The following RBFOX1 variants were observed in gnomAD, a reference collection of about 807,000 sequenced individuals.
The protein encoded by RBFOX1 is RNA binding fox-1 homolog 1, also known as RNA binding protein fox-1 homolog 1.
In RBFOX1, 8 loss-of-function variants were observed where a neutral mutation model predicts 57.7. The observed-to-expected ratio is 0.14, with a 90% CI of 0.08 to 0.25. The LOEUF (loss-of-function observed/expected upper bound fraction) is 0.25, where lower values mean the gene tolerates loss of function less well. Ranked by LOEUF, RBFOX1 falls within the 10% of genes least tolerant of loss-of-function variation. RBFOX1 has a pLI of 1.00. For missense variants in RBFOX1, 611 were observed against 548.5 expected (o/e 1.11, Z -1.14); for synonymous variants, 326 against 222.4 (o/e 1.47, Z -4.15).
intron 1 of RBFOX1, among the ~76,000 whole-genome samples, chr16:6,072,399 C>A (rs1265513616): frequency 6.6e-6 from 1 of 152,048 alleles, no homozygotes; most frequent in East Asian, 1.9e-4. Context: ...GTGCTTAATG[C>A]TGCAAAAAAA....
chr16:6,382,106 A>G (rs937968831), intron 2 of RBFOX1, among the ~76,000 whole-genome samples: 2 of 152,286 alleles, frequency 1.3e-5, no homozygotes. Flanking sequence ...TGTTCCAATA[A>G]TACTTTATTT....
intron 4 of RBFOX1, among the ~76,000 whole-genome samples, chr16:7,161,908 G>C (rs765738638): frequency 6.6e-6 from 1 of 152,166 alleles, no homozygotes; most frequent in Admixed American, 6.5e-5. Context: ...TATTCTCCCT[G>C]GTAAACACAC....
chr16:7,143,735 G>C (rs1028517637), intron 4 of RBFOX1, among the ~76,000 whole-genome samples: 8 of 151,980 alleles, frequency 5.3e-5, no homozygotes, highest in Non-Finnish European at 8.8e-5. Flanking sequence ...ATTCATCCAT[G>C]GGTTTATTGG....
chr16:7,553,659 G>A (rs1207859701), intron 5 of RBFOX1, among the ~76,000 whole-genome samples: 1 of 152,206 alleles, frequency 6.6e-6, no homozygotes, highest in Non-Finnish European at 1.5e-5. Flanking sequence ...AGAAGGCACT[G>A]CTCAGCATTA....
At chr16:6,901,628 C>G (rs1054037167) in intron 3 of RBFOX1, among the ~76,000 whole-genome samples, 2 of 152,278 alleles carry the variant, frequency 1.3e-5, no homozygotes, top group South Asian at 2.1e-4. Flanking sequence ...TTTGCAAAAT[C>G]TGTTTCTGGT....
At chr16:7,419,071 G>C (rs571777474) in intron 4 of RBFOX1, among the ~76,000 whole-genome samples, 1 of 151,864 alleles carries the variant, frequency 6.6e-6, no homozygotes, top group Non-Finnish European at 1.5e-5. Flanking sequence ...CGCCCAGATA[G>C]TTTTTTTTGT....
chr16:6,797,671 G>A (rs1429377264), intron 3 of RBFOX1, among the ~76,000 whole-genome samples: 1 of 152,148 alleles, frequency 6.6e-6, no homozygotes, highest in East Asian at 1.9e-4. Context: ...AGGTCCTAGA[G>A]ATTTATGAGT....
chr16:7,653,115 A>G (rs2065444335), intron 11 of RBFOX1, among the ~76,000 whole-genome samples: 1 of 152,140 alleles, frequency 6.6e-6, no homozygotes, highest in Non-Finnish European at 1.5e-5. Flanking sequence ...ATATACACAT[A>G]TGTGTATTTT....
intron 4 of RBFOX1, among the ~76,000 whole-genome samples, chr16:7,470,183 G>T (rs1192404084): frequency 2.0e-5 from 3 of 152,160 alleles, no homozygotes; most frequent in Non-Finnish European, 4.4e-5. Flanking sequence ...TACCCCAGGT[G>T]CACCCTTGGG....
At chr16:7,369,374 T>A (rs768232681) in intron 4 of RBFOX1, among the ~76,000 whole-genome samples, 1 of 152,108 alleles carries the variant, frequency 6.6e-6, no homozygotes, top group African/African-American at 2.4e-5. Flanking sequence ...GGCAGACAGA[T>A]GGTGTCCCGC....
rs917548029 is a variant in RBFOX1 at position 5,483,826 on chromosome 16, A to G, written c.258+16572A>G. Among the ~76,000 whole-genome samples, 6 of 152,130 alleles carry G rather than the reference A, an allele frequency of 3.9e-5. No homozygotes were observed. The South Asian group carries it at 8.3e-4, about 21-fold the overall frequency. On this transcript the variant is annotated intron_variant, in intron 2 of 2. Coordinates refer to the RBFOX1 transcript ENST00000585867. Reference sequence around the variant, plus strand: ...GTTTCTCTGTGTCGGCATTTGTGCAATGGCTTTGTGGGGTGCCCTGCCTCA... The same window carrying G: ...GTTTCTCTGTGTCGGCATTTGTGCAGTGGCTTTGTGGGGTGCCCTGCCTCA...
At chr16:5,478,728 A>T (rs1007447480) in intron 2 of RBFOX1, among the ~76,000 whole-genome samples, 7 of 152,116 alleles carry the variant, frequency 4.6e-5, no homozygotes, top group South Asian at 2.1e-4. Flanking sequence ...CCCCAGCACG[A>T]GGCACCTTTT....
chr16:6,811,977 T>G (rs2088752145), intron 3 of RBFOX1, among the ~76,000 whole-genome samples: 1 of 152,192 alleles, frequency 6.6e-6, no homozygotes, highest in Non-Finnish European at 1.5e-5. Flanking sequence ...CAGATGTTGT[T>G]TCTCCTCAGC....
intron 1 of RBFOX1, among the ~76,000 whole-genome samples, chr16:6,138,183 T>C (rs979092488): frequency 1.3e-5 from 2 of 152,230 alleles, no homozygotes; most frequent in Admixed American, 1.3e-4. Context: ...TAGGGCCCAT[T>C]TGATGGGTGT....
chr16:6,854,599 T>C (rs2142116519), intron 3 of RBFOX1, among the ~76,000 whole-genome samples: 1 of 136,520 alleles, frequency 7.3e-6, no homozygotes, highest in East Asian at 2.2e-4. Context: ...TTTTTTTTTT[T>C]TTTTTTTTTT....
intron 2 of RBFOX1, among the ~76,000 whole-genome samples, chr16:6,321,968 A>G (rs904775843): frequency 1.3e-5 from 2 of 152,316 alleles, no homozygotes; most frequent in Middle Eastern, 3.4e-3. Context: ...AAGGCTCCCA[A>G]TGCATAACAC....
chr16:7,255,693 A>G (rs2094648908), intron 4 of RBFOX1, among the ~76,000 whole-genome samples: 1 of 152,256 alleles, frequency 6.6e-6, no homozygotes, highest in African/African-American at 2.4e-5. Flanking sequence ...TTGAATTAAA[A>G]AAATAAATGC....
In RBFOX1 at chr16:6,897,742, G is replaced by A. The variant is rs373051494; in HGVS notation, c.-15-154315G>A. On this transcript the variant is annotated intron_variant, in intron 3 of 15. Coordinates refer to ENST00000550418, the MANE Select transcript of RBFOX1 (RefSeq NM_018723.4). ...CGGGAGGCAGAGGTTGCAGTGTGCT[G>A]AGATCATGCTGTTACACTCCAGCCT... 1.7e-4 allele frequency among the ~76,000 whole-genome samples: 26 copies of A among 152,266 alleles called. No homozygotes were observed. In the East Asian group the frequency reaches 3.7e-3, roughly 22 times the overall value.
intron 3 of RBFOX1, among the ~76,000 whole-genome samples, chr16:5,694,128 T>C (rs1183994050): frequency 6.6e-6 from 1 of 152,130 alleles, no homozygotes; most frequent in Non-Finnish European, 1.5e-5. Flanking sequence ...CCTAATAGGA[T>C]GGGAATGAAC....
Sources: gnomAD v4.1 joint callset for allele counts (sites outside exome capture counted in the v4.1 genomes callset) on GRCh38, gnomAD v4.1.1 for gene constraint, MANE v1.5 for transcripts, NCBI Gene and HGNC (gene_info 2026-07-23, HGNC 2026-07-21) for gene names.